The following IGSF21 variants were observed in gnomAD, a reference collection of about 807,000 sequenced individuals.
IGSF21 encodes immunoglobulin superfamily member 21.
A neutral mutation model predicts 46.8 loss-of-function variants in IGSF21; 28 were observed. The observed-to-expected ratio is 0.60, with a 90% CI of 0.44 to 0.82. The LOEUF (loss-of-function observed/expected upper bound fraction) is 0.82, where lower values mean the gene tolerates loss of function less well. Ranked by LOEUF, IGSF21 falls within the 40% of genes least tolerant of loss-of-function variation. The pLI is 0.00. For missense variants in IGSF21, 624 were observed against 665.5 expected (o/e 0.94, Z 0.69); for synonymous variants, 284 against 273.6 (o/e 1.04, Z -0.38).
At chr1:18,177,322 C>T (rs2086809339) in intron 1 of IGSF21, among the ~76,000 whole-genome samples, 1 of 33,264 alleles carries the variant, frequency 3.0e-5, no homozygotes, top group African/African-American at 1.1e-4. Flanking sequence ...AAAGTCCATG[C>T]AGAGCCCTGA....
chr1:18,168,722 A>G (rs769957491), intron 1 of IGSF21, among the ~76,000 whole-genome samples: 2 of 152,174 alleles, frequency 1.3e-5, no homozygotes, highest in Admixed American at 6.5e-5. Context: ...TACACATATT[A>G]TCTCATGAAA....
chr1:18,119,738 G>A (rs775011789), intron 1 of IGSF21, among the ~76,000 whole-genome samples: 2 of 145,424 alleles, frequency 1.4e-5, no homozygotes, highest in African/African-American at 2.5e-5. Flanking sequence ...CGAGCCAGAG[G>A]GGGCAAGGCT....
intron 1 of IGSF21, among the ~76,000 whole-genome samples, chr1:18,150,723 G>A (rs1473048878): frequency 6.6e-6 from 1 of 152,226 alleles, no homozygotes; most frequent in Admixed American, 6.5e-5. Context: ...CCTGAAGTCA[G>A]TGCAGTGTCC....
chr1:18,157,634 C>T (rs574960214), intron 1 of IGSF21, among the ~76,000 whole-genome samples: 39 of 152,336 alleles, frequency 2.6e-4, no homozygotes, highest in African/African-American at 9.1e-4. Context: ...AGACTGCAAC[C>T]TGCAAGTCCA....
At chr1:18,244,597 T>G (rs1399882193) in intron 2 of IGSF21, among the ~76,000 whole-genome samples, 1 of 152,228 alleles carries the variant, frequency 6.6e-6, no homozygotes, top group African/African-American at 2.4e-5. Flanking sequence ...TAGAGCCTGT[T>G]GCTTCATCTT....
At chr1:18,232,209 C>CTTTTTTTTTTTTTTTTTTTTTGT (rs55775011) in intron 2 of IGSF21, among the ~76,000 whole-genome samples, 1 of 105,010 alleles carries the variant, frequency 9.5e-6, no homozygotes, top group Non-Finnish European at 1.9e-5. Flanking sequence ...CTCCAGACAG[C>CTTTTTTTTTTTTTTTTTTTTTGT]TTTTTTTTGG....
rs1417260449 is a variant in IGSF21 at position 18,341,843 on chromosome 1, A to G, written c.424+6833A>G. On this transcript the variant is annotated intron_variant, in intron 4 of 9. Coordinates refer to ENST00000251296, the MANE Select transcript of IGSF21 (RefSeq NM_032880.5). The stretch of plus-strand genomic sequence containing the variant: ...CCTTGTCTCTCTTCTGGAAGCTTCC[A>G]AGTGAGGTTGGCAGATGAAGTAGAC... 2.6e-5 allele frequency among the ~76,000 whole-genome samples: 4 copies of G among 152,144 alleles called. 1 individual carries two copies. The highest frequency in any genetic ancestry group is 9.7e-5 in the African/African-American group (4 of 41,442).
chr1:18,192,400 C>A (rs1240654742), intron 1 of IGSF21, among the ~76,000 whole-genome samples: 1 of 152,198 alleles, frequency 6.6e-6, no homozygotes, highest in East Asian at 1.9e-4. Context: ...GGGAATAAGA[C>A]CTGCTTCATA....
intron 4 of IGSF21, among the ~76,000 whole-genome samples, chr1:18,351,672 C>T (rs1197997161): frequency 6.6e-6 from 1 of 152,202 alleles, no homozygotes; most frequent in South Asian, 2.1e-4. Flanking sequence ...AGAGGCTTCT[C>T]TCACAAAGCT....
chr1:18,281,333 T>C (rs9727582), intron 2 of IGSF21, among the ~76,000 whole-genome samples: 59,161 of 151,688 alleles, frequency 0.39, 11,942 homozygotes, highest in Middle Eastern at 0.52. Flanking sequence ...GCGAGGTGGG[T>C]GCATCACCCT....
intron 1 of IGSF21, among the ~76,000 whole-genome samples, chr1:18,227,502 A>AACCGTTTTT (rs1210443065): frequency 4.0e-5 from 6 of 151,878 alleles, no homozygotes; most frequent in African/African-American, 1.5e-4. Context: ...CACAACTCTA[A>AACCGTTTTT]AAAGGGGTGG....
chr1:18,344,452 G>T (rs1254981645), intron 4 of IGSF21, among the ~76,000 whole-genome samples: 1 of 152,140 alleles, frequency 6.6e-6, no homozygotes, highest in Non-Finnish European at 1.5e-5. Context: ...AGATCTGAGG[G>T]CTGAGGGCAG....
intron 2 of IGSF21, among the ~76,000 whole-genome samples, chr1:18,229,576 T>C (rs2084603462): frequency 6.6e-6 from 1 of 152,232 alleles, no homozygotes; most frequent in Admixed American, 6.5e-5. Flanking sequence ...CTCTCCTGTT[T>C]AGAGTTAATT....
At chr1:18,265,181 T>G (rs576703278) in intron 2 of IGSF21, among the ~76,000 whole-genome samples, 5 of 152,278 alleles carry the variant, frequency 3.3e-5, no homozygotes, top group Admixed American at 1.3e-4. Flanking sequence ...GGGAGGATAT[T>G]TATGGTATTT....
chr1:18,320,097 G>A (rs555843386), intron 3 of IGSF21, among the ~76,000 whole-genome samples: 1 of 152,184 alleles, frequency 6.6e-6, no homozygotes. Context: ...AGACAGAACC[G>A]GAAGCAAGAT....
chr1:18,283,731 C>T (rs1018858325), intron 2 of IGSF21, among the ~76,000 whole-genome samples: 3 of 152,008 alleles, frequency 2.0e-5, no homozygotes, highest in African/African-American at 4.8e-5. Context: ...CCCCCCTGCC[C>T]GAAACTAAAG....
At chr1:18,201,076 G>A (rs1188887006) in intron 1 of IGSF21, among the ~76,000 whole-genome samples, 4 of 152,172 alleles carry the variant, frequency 2.6e-5, no homozygotes, top group African/African-American at 4.8e-5. Context: ...GAAGGCTCTC[G>A]AGAGACCCAC....
At chr1:18,188,952 C>T (rs1483224814) in intron 1 of IGSF21, among the ~76,000 whole-genome samples, 1 of 152,226 alleles carries the variant, frequency 6.6e-6, no homozygotes, top group African/African-American at 2.4e-5. Context: ...CCCTCTGCTG[C>T]TGCAGGGGTG....
intron 4 of IGSF21, among the ~76,000 whole-genome samples, chr1:18,351,953 G>A (rs1028870598): frequency 6.6e-6 from 1 of 152,216 alleles, no homozygotes; most frequent in Admixed American, 6.5e-5. Context: ...AACTCCAGGA[G>A]CAGAGAGGAT....
Sources: allele counts gnomAD v4.1 joint callset (sites outside exome capture counted in the v4.1 genomes callset), GRCh38; gene constraint gnomAD v4.1.1; transcripts MANE v1.5; gene names NCBI Gene and HGNC (gene_info 2026-07-23, HGNC 2026-07-21).